Variants in DCAF7 observed in about 807,000 individuals in gnomAD.
The protein encoded by DCAF7 is DDB1 and CUL4 associated factor 7.
DCAF7 carries 4 observed loss-of-function variants against 41.2 expected under a neutral mutation model. The ratio of observed to expected loss-of-function variants is 0.10; its 90% CI spans 0.05 to 0.22. The LOEUF (loss-of-function observed/expected upper bound fraction) is 0.22. Ranked by LOEUF, DCAF7 falls within the 10% of genes least tolerant of loss-of-function variation. The pLI is 1.00. For synonymous variants in DCAF7, 143 were observed against 164.2 expected, an observed-to-expected ratio of 0.87 and a Z score of 0.99; for missense variants, 131 against 443.2, an observed-to-expected ratio of 0.30 and a Z score of 6.32.
Position 63,590,818 on chromosome 17 carries a change from C to T in DCAF7, c.*1646C>T. On this transcript the variant is annotated 3_prime_UTR_variant, in exon 7 of 7. Transcript: ENST00000614556. The stretch of plus-strand genomic sequence containing the variant: ...GAAGTAAAACAGTAACTTTGTTCTT[C>T]TGGGCCCTTAAGCTTTTTTGGTTAA... The T allele has an allele frequency of 6.6e-6, 1 of 152,222 alleles. No homozygotes were observed. Among genetic ancestry groups the T allele is most frequent in the East Asian group, 1.9e-4 (1 of 5,206 alleles). The allele number at this position is 152,222 out of a possible 1,614,324, so 9.4% of individuals were successfully genotyped here.
chr17:63,560,502 G>A (rs183629162), intron 1 of DCAF7, among the ~76,000 whole-genome samples: 1 of 152,242 alleles, frequency 6.6e-6, no homozygotes, highest in East Asian at 1.9e-4. Context: ...TAAATATTCG[G>A]TGGAAAAATA....
chr17:63,570,241 C>G (rs2033491135), intron 1 of DCAF7, among the ~76,000 whole-genome samples: 1 of 151,852 alleles, frequency 6.6e-6, no homozygotes. Context: ...ATTGCTTGAG[C>G]TCAGGAGTTC....
chr17:63,585,875 A>G (rs1363648831), intron 6 of DCAF7, among the ~76,000 whole-genome samples: 1 of 152,160 alleles, frequency 6.6e-6, no homozygotes, highest in Admixed American at 6.5e-5. Flanking sequence ...TAATCCCAGC[A>G]CTTTGGGAGG....
At chr17:63,588,937 G>T (rs1164106388) in intron 6 of DCAF7, 63 bp from the exon 7 acceptor site, 6 of 1,518,906 alleles carry the variant, frequency 4.0e-6, no homozygotes, top group Admixed American at 2.0e-5. Context: ...CTCCTGAAAT[G>T]CAGGGATCAT....
chr17:63,583,012 C>G (rs892706123), intron 4 of DCAF7, among the ~76,000 whole-genome samples: 1 of 152,220 alleles, frequency 6.6e-6, no homozygotes, highest in African/African-American at 2.4e-5. Flanking sequence ...TTACCTCTTT[C>G]TTGCAAATGA....
At chr17:63,576,491 T>C (rs927068071) in intron 1 of DCAF7, among the ~76,000 whole-genome samples, 2 of 152,266 alleles carry the variant, frequency 1.3e-5, no homozygotes, top group Non-Finnish European at 2.9e-5. Flanking sequence ...ATTCATATCT[T>C]GTACCATATA....
Position 63,593,442 on chromosome 17 carries a change from G to C in DCAF7, c.*4270G>C, listed in dbSNP as rs1400185012. On this transcript the variant is annotated 3_prime_UTR_variant, in exon 7 of 7. Transcript: ENST00000614556. Reference sequence around the variant, plus strand: ...ATTTTTAAAATATGGAAACATGCAGGTGCCTTCCCAAAGAGGCTTGGACTG... The same window carrying C: ...ATTTTTAAAATATGGAAACATGCAGCTGCCTTCCCAAAGAGGCTTGGACTG... 2 of 152,620 alleles carry C rather than the reference G, an allele frequency of 1.3e-5. No individual in the cohort carries two copies. The highest frequency in any genetic ancestry group is 4.8e-5 in the African/African-American group (2 of 41,442). 9.5% of individuals were successfully genotyped at this position (152,620 alleles called of 1,614,324 possible).
At chr17:63,552,418 G>A (rs2033267283) in intron 1 of DCAF7, 1 of 152,168 alleles carries the variant, frequency 6.6e-6, no homozygotes, top group Admixed American at 6.5e-5. Context: ...CAAATCCAAG[G>A]AATATGCACT....
rs1156290005 is a variant in DCAF7, at chr17:63,550,886, G to A, written c.138+71G>A. On this transcript the variant is annotated intron_variant, in intron 1 of 6. Transcript: ENST00000614556. This position sits in a 1 kb window ranked among gnomAD's most constrained non-coding sequence, Gnocchi z 4.8. ...CCGGGAGCGCCCTTTCCGGGCCGGA[G>A]CCCAGGCCTCAGAACCCTCTTGCGG... The A allele has an allele frequency of 1.9e-6, 3 of 1,560,102 alleles. No homozygotes were observed. The highest frequency in any genetic ancestry group is 1.4e-5 in the African/African-American group (1 of 73,692).
intron 6 of DCAF7, among the ~76,000 whole-genome samples, chr17:63,587,437 T>C (rs2033688903): frequency 6.6e-6 from 1 of 152,192 alleles, no homozygotes; most frequent in South Asian, 2.1e-4. Flanking sequence ...AGCCCCATTT[T>C]CTGCTCCTGG....
intron 1 of DCAF7, among the ~76,000 whole-genome samples, chr17:63,563,452 A>G (rs2033405390): frequency 6.6e-6 from 1 of 152,204 alleles, no homozygotes; most frequent in Non-Finnish European, 1.5e-5. Flanking sequence ...TTTAAAATGC[A>G]CATACTTTCT....
chr17:63,572,246 A>G (rs1290779561), intron 1 of DCAF7, among the ~76,000 whole-genome samples: 1 of 152,228 alleles, frequency 6.6e-6, no homozygotes, highest in African/African-American at 2.4e-5. Flanking sequence ...CAGATTGGGA[A>G]ACAAGATGAG....
At chr17:63,582,065 G>A (rs2033628440) in intron 4 of DCAF7, among the ~76,000 whole-genome samples, 1 of 152,098 alleles carries the variant, frequency 6.6e-6, no homozygotes, top group South Asian at 2.1e-4. Flanking sequence ...TCATTGGGGG[G>A]TATACATATT....
At chr17:63,554,830 ATTTACT>A (rs2033294523) in intron 1 of DCAF7, among the ~76,000 whole-genome samples, 1 of 152,152 alleles carries the variant, frequency 6.6e-6, no homozygotes, top group Non-Finnish European at 1.5e-5. Flanking sequence ...TGTTTAGTAA[ATTTACT>A]TTTGTATTTT....
chr17:63,560,717 C>T (rs554666893), intron 1 of DCAF7, among the ~76,000 whole-genome samples: 1 of 151,880 alleles, frequency 6.6e-6, no homozygotes, highest in East Asian at 1.9e-4. Context: ...GTATGTATTA[C>T]CTAGTAAGAA....
Position 63,557,021 on chromosome 17 carries a change from G to A in DCAF7, c.138+6206G>A, listed in dbSNP as rs9906882. Among the ~76,000 whole-genome samples the A allele has an allele frequency of 2.4e-4, 36 of 151,976 alleles. 1 individual carries two copies. The highest frequency in any genetic ancestry group is 6.8e-3 in the Middle Eastern group (2 of 294). On this transcript the variant is annotated intron_variant, in intron 1 of 6. Transcript: ENST00000614556. ...CCCGCTGGGGTGACAGAGCGAGACC[G>A]CCATCTCAAAACCAAAAAAACAAAA...
chr17:63,585,153 TTTG>T, intron 5 of DCAF7, 55 bp from the exon 6 acceptor site: 1 of 1,429,430 alleles, frequency 7.0e-7, no homozygotes. Flanking sequence ...GATAGTATTT[TTTG>T]TTTTTTTCTA....
intron 1 of DCAF7, among the ~76,000 whole-genome samples, chr17:63,573,658 A>G (rs1365909249): frequency 6.6e-6 from 1 of 151,848 alleles, no homozygotes; most frequent in Non-Finnish European, 1.5e-5. Flanking sequence ...TAAACCTGAG[A>G]GGCTGAGGTA....
chr17:63,592,900 C>A lies in DCAF7; in HGVS notation c.*3728C>A, dbSNP rs886714375. On this transcript the variant is annotated 3_prime_UTR_variant, in exon 7 of 7. Coordinates refer to ENST00000614556, the MANE Select transcript of DCAF7 (RefSeq NM_005828.5). Reference sequence around the variant, plus strand: ...AGGTTATGACAGTTATGCAGACTTTCCCCCTCCTTTTTCTCTTTTCTCTTC... The same window carrying A: ...AGGTTATGACAGTTATGCAGACTTTACCCCTCCTTTTTCTCTTTTCTCTTC... The A allele has an allele frequency of 6.6e-6, 1 of 152,466 alleles. No homozygotes were observed. The highest frequency in any genetic ancestry group is 2.4e-5 in the African/African-American group (1 of 41,408). The allele number at this position is 152,466 out of a possible 1,614,324, so 9.4% of individuals were successfully genotyped here. A position where few individuals can be genotyped will look rare whatever the true frequency, so the allele number is the denominator to read the frequency against.
Sources: allele counts gnomAD v4.1 joint callset (sites outside exome capture counted in the v4.1 genomes callset), GRCh38; gene constraint gnomAD v4.1.1; non-coding constraint Gnocchi (gnomAD v3.1); transcripts MANE v1.5; gene names NCBI Gene and HGNC (gene_info 2026-07-23, HGNC 2026-07-21).